Variants in CYB5B observed in about 807,000 individuals in gnomAD.
The protein encoded by CYB5B is cytochrome b5 type B, also known as cytochrome b5 type B (outer mitochondrial membrane).
In CYB5B, 14 loss-of-function variants were observed where a neutral mutation model predicts 21.3. That is an observed-to-expected ratio of 0.66 (90% CI 0.43 to 1.03). The LOEUF is 1.03. Ranked by LOEUF, CYB5B falls within the 50% of genes least tolerant of loss-of-function variation. The pLI is 0.00. For synonymous variants in CYB5B, 69 were observed against 68.4 expected (o/e 1.01, Z -0.04); for missense variants, 166 against 185.1 (o/e 0.90, Z 0.60).
At chr16:69,439,540 A>C (rs1018617339) in intron 1 of CYB5B, among the ~76,000 whole-genome samples, 14 of 151,380 alleles carry the variant, frequency 9.2e-5, no homozygotes, top group African/African-American at 3.2e-4. Context: ...TTTACTTAAA[A>C]GTTTATATTA....
intron 1 of CYB5B, among the ~76,000 whole-genome samples, chr16:69,437,790 A>G (rs1349879845): frequency 1.3e-5 from 2 of 152,124 alleles, no homozygotes; most frequent in East Asian, 3.8e-4. Flanking sequence ...CCCAAACTCA[A>G]GCTAACCTCT....
intron 1 of CYB5B, among the ~76,000 whole-genome samples, chr16:69,429,526 C>T (rs1402744241): frequency 6.6e-6 from 1 of 152,144 alleles, no homozygotes; most frequent in Non-Finnish European, 1.5e-5. Flanking sequence ...TTTGCCAAGT[C>T]CCCACTCCAC....
At chr16:69,438,960 G>A (rs2014791622) in intron 1 of CYB5B, among the ~76,000 whole-genome samples, 1 of 151,980 alleles carries the variant, frequency 6.6e-6, no homozygotes, top group Admixed American at 6.6e-5. Flanking sequence ...TTCTGATGGA[G>A]TCCAATTTAT....
At chr16:69,460,893 T>C (rs949285923) in intron 4 of CYB5B, among the ~76,000 whole-genome samples, 3 of 152,356 alleles carry the variant, frequency 2.0e-5, no homozygotes, top group East Asian at 1.9e-4. Context: ...TAGGAAGTTA[T>C]TGTTGAACCT....
chr16:69,440,429 A>G (rs2014807857), intron 1 of CYB5B, among the ~76,000 whole-genome samples: 1 of 152,248 alleles, frequency 6.6e-6, no homozygotes, highest in Non-Finnish European at 1.5e-5. Flanking sequence ...ACACACTTGT[A>G]TAACCACCAT....
chr16:69,425,683 A>G (rs2014637200), intron 1 of CYB5B, among the ~76,000 whole-genome samples: 1 of 152,120 alleles, frequency 6.6e-6, no homozygotes, highest in African/African-American at 2.4e-5. Context: ...GACATAAACC[A>G]TTTCCATCAT....
At chr16:69,432,341 A>G (rs948563928) in intron 1 of CYB5B, among the ~76,000 whole-genome samples, 4 of 152,220 alleles carry the variant, frequency 2.6e-5, no homozygotes, top group Non-Finnish European at 5.9e-5. Flanking sequence ...CACTTTCAGT[A>G]TGGTATTCAA....
intron 3 of CYB5B, among the ~76,000 whole-genome samples, chr16:69,454,592 C>T (rs976500296): frequency 1.3e-5 from 2 of 152,134 alleles, no homozygotes; most frequent in African/African-American, 4.8e-5. Context: ...GAATTTGAAG[C>T]CAGAAGTTCC....
chr16:69,439,033 A>G lies in CYB5B; in HGVS notation c.175-8117A>G, dbSNP rs1022804096. Among the ~76,000 whole-genome samples, 4 of 152,076 alleles carry G rather than the reference A, an allele frequency of 2.6e-5. No individual in the cohort carries two copies. In the South Asian group the frequency reaches 8.3e-4, roughly 31 times the overall value. On this transcript the variant is annotated intron_variant, in intron 1 of 4. Coordinates refer to ENST00000307892, the MANE Select transcript of CYB5B (RefSeq NM_030579.3). Reference sequence around the variant, plus strand: ...TATCTAAGAATCCATTGTCAATCTCAAGGTCATGAACATTTACCCTTATGT... The same window carrying G: ...TATCTAAGAATCCATTGTCAATCTCGAGGTCATGAACATTTACCCTTATGT...
At position 69,465,755 on chromosome 16, in the gene CYB5B, C is replaced by T. The variant is rs917474566; in HGVS notation, c.*3235C>T. On this transcript the variant is annotated 3_prime_UTR_variant, in exon 5 of 5. Coordinates refer to ENST00000307892, the MANE Select transcript of CYB5B (RefSeq NM_030579.3). ...TGCAGAACGTTAATGTTCATTACCT[C>T]CTCCTACCCCAAGAGAAATGGATTC... 3 of 152,210 alleles carry T rather than the reference C, an allele frequency of 2.0e-5. No individual in the cohort carries two copies. The highest frequency in any genetic ancestry group is 4.8e-5 in the African/African-American group (2 of 41,456). The allele number at this position is 152,210 out of a possible 1,614,324, so 9.4% of individuals were successfully genotyped here. A position where few individuals can be genotyped will look rare whatever the true frequency, so the allele number is the denominator to read the frequency against.
chr16:69,434,039 A>G (rs1185207259), intron 1 of CYB5B, among the ~76,000 whole-genome samples: 4 of 152,230 alleles, frequency 2.6e-5, no homozygotes, highest in Admixed American at 6.5e-5. Flanking sequence ...CATCATATAT[A>G]TGGTCCATTG....
chr16:69,429,979 A>G (rs2014688753), intron 1 of CYB5B, among the ~76,000 whole-genome samples: 1 of 152,194 alleles, frequency 6.6e-6, no homozygotes, highest in African/African-American at 2.4e-5. Context: ...AATTAGTAAT[A>G]TAATTGAATT....
chr16:69,442,563 C>T (rs916033466), intron 1 of CYB5B, among the ~76,000 whole-genome samples: 4 of 151,966 alleles, frequency 2.6e-5, no homozygotes, highest in African/African-American at 4.8e-5. Flanking sequence ...ACAGGGTCTC[C>T]GTTGCCCAGG....
At chr16:69,454,107 A>G (rs1431890580) in intron 3 of CYB5B, among the ~76,000 whole-genome samples, 4 of 152,072 alleles carry the variant, frequency 2.6e-5, no homozygotes, top group African/African-American at 4.8e-5. Flanking sequence ...CAAATTTTTC[A>G]CTTCTTAAGT....
chr16:69,449,011 T>G (rs2014905775), intron 3 of CYB5B: 1 of 152,230 alleles, frequency 6.6e-6, no homozygotes, highest in Non-Finnish European at 1.5e-5. Context: ...AGAGATTGCT[T>G]GCTTAACAGT....
chr16:69,461,843 A>C (rs764235310), intron 4 of CYB5B, among the ~76,000 whole-genome samples: 1 of 152,258 alleles, frequency 6.6e-6, no homozygotes, highest in East Asian at 1.9e-4. Context: ...TAGCTTTGGG[A>C]TTTGGGGTGC....
Position 69,462,436 on chromosome 16 carries a change from G to C in CYB5B, c.369G>C (p.Trp123Cys). The change falls in exon 5 of 5, where the codon TGG becomes TGC. Residue 123 changes from tryptophan (W) to cysteine (C), a missense_variant. Trp to Cys is a radical substitution (Grantham distance 215). Coordinates refer to ENST00000307892, the MANE Select transcript of CYB5B (RefSeq NM_030579.3). Reference sequence around the variant, plus strand: ...TTTCTCCCCCTATTCCTAGTTGCTGGGCATATTGGATTTTACCCATCATAG... The same window carrying C: ...TTTCTCCCCCTATTCCTAGTTGCTGCGCATATTGGATTTTACCCATCATAG... ...PSKNDTCKSC[W>C]AYWILPIIGA... 1 of 1,613,210 alleles carries C rather than the reference G, an allele frequency of 6.2e-7. No individual in the cohort carries two copies. Among genetic ancestry groups the C allele is most frequent in the Non-Finnish European group, 8.5e-7 (1 of 1,179,288 alleles).
intron 3 of CYB5B, among the ~76,000 whole-genome samples, chr16:69,458,011 G>C (rs2014998561): frequency 6.6e-6 from 1 of 152,142 alleles, no homozygotes; most frequent in Non-Finnish European, 1.5e-5. Context: ...TTGGGCAGCA[G>C]CAACCTATGC....
At chr16:69,458,144 G>A (rs902615573) in intron 3 of CYB5B, among the ~76,000 whole-genome samples, 3 of 152,064 alleles carry the variant, frequency 2.0e-5, no homozygotes, top group Non-Finnish European at 4.4e-5. Context: ...CAGCTTTATC[G>A]TGATACAATT....
Sources: allele counts gnomAD v4.1 joint callset (sites outside exome capture counted in the v4.1 genomes callset), GRCh38; gene constraint gnomAD v4.1.1; transcripts MANE v1.5; gene names NCBI Gene and HGNC (gene_info 2026-07-23, HGNC 2026-07-21).